The following GFI1B variants were observed in gnomAD, a reference collection of about 807,000 sequenced individuals.
The protein encoded by GFI1B is growth factor independent 1B transcriptional repressor.
In GFI1B, 20 loss-of-function variants were observed where a neutral mutation model predicts 35.3. The observed-to-expected ratio is 0.57, with a 90% confidence interval of 0.40 to 0.82. The LOEUF is 0.82. Among genes scored for constraint, GFI1B ranks in the 40% least tolerant of loss-of-function variants. The pLI, the probability that GFI1B is intolerant of heterozygous loss-of-function variation, is 0.00. For missense variants in GFI1B, 430 were observed against 446.3 expected (o/e 0.96, Z 0.33); for synonymous variants, 178 against 177.6 (o/e 1.00, Z -0.02).
At position 132,989,979 on chromosome 9, in the gene GFI1B, G is replaced by GC; in HGVS notation, c.814+77dup. 2 of 1,370,100 alleles carry GC rather than the reference G, an allele frequency of 1.5e-6. No individual in the cohort carries two copies. The highest frequency in any genetic ancestry group is 1.0e-6 in the Non-Finnish European group (1 of 966,048). 84.9% of individuals were successfully genotyped at this position (1,370,100 alleles called of 1,614,324 possible). ...CCTTTCCCTGAGAGATGCATCAGAG[G>GC]CCCCCAGCGTGAGGCTGGGGGCGGG... On this transcript the variant is annotated intron_variant, in intron 6 of 6. Transcript: ENST00000372122. This position sits in a 1 kb window ranked among gnomAD's most constrained non-coding sequence, Gnocchi z 6.2.
upstream of GFI1B, among the ~76,000 whole-genome samples, chr9:132,978,000 C>T (rs576057110): frequency 3.3e-5 from 5 of 152,190 alleles, no homozygotes; most frequent in African/African-American, 1.2e-4. Flanking sequence ...GAGATATGAC[C>T]TCTGCAAGGA....
intron 4 of GFI1B, 109 bp from the exon 5 acceptor site, chr9:132,988,952 C>G (rs1849181471): frequency 9.2e-7 from 1 of 1,081,972 alleles, no homozygotes; most frequent in Admixed American, 1.8e-5. Context: ...GCCCCTTACT[C>G]TGTGTACCCA....
upstream of GFI1B, chr9:132,978,453 T>C (rs1322943742): frequency 6.6e-6 from 1 of 152,246 alleles, no homozygotes; most frequent in Non-Finnish European, 1.5e-5. Context: ...CATCACTTTC[T>C]TTTTGTGCAG....
upstream of GFI1B, among the ~76,000 whole-genome samples, chr9:132,974,265 T>G (rs989093149): frequency 6.6e-6 from 1 of 152,144 alleles, no homozygotes; most frequent in Non-Finnish European, 1.5e-5. Flanking sequence ...GCATGGACAT[T>G]CCTTGTGGGA....
At chr9:132,992,899 G>C (rs1028451059), downstream of GFI1B, among the ~76,000 whole-genome samples, 3 of 152,034 alleles carry the variant, frequency 2.0e-5, no homozygotes, top group Middle Eastern at 3.2e-3. Context: ...TAAGCCAAGG[G>C]TTTCCATACA....
downstream of GFI1B, among the ~76,000 whole-genome samples, chr9:132,992,302 T>C (rs1013258193): frequency 5.9e-5 from 9 of 152,196 alleles, no homozygotes. Context: ...ATCCTGAACG[T>C]AATCACCGTG....
chr9:132,959,913 A>G (rs1242456232), intron 1 of GFI1B, among the ~76,000 whole-genome samples: 1 of 152,186 alleles, frequency 6.6e-6, no homozygotes, highest in Non-Finnish European at 1.5e-5. Flanking sequence ...CCCAGTGTGA[A>G]TTCAGCTGAA....
chr9:132,953,287 A>G (rs1205154555), intron 1 of GFI1B: 1 of 152,224 alleles, frequency 6.6e-6, no homozygotes, highest in Admixed American at 6.5e-5. Context: ...TTAAAATATG[A>G]ATCTTTAACT....
intron 1 of GFI1B, among the ~76,000 whole-genome samples, chr9:132,980,457 A>G (rs1463304462): frequency 1.3e-5 from 2 of 152,242 alleles, no homozygotes; most frequent in Non-Finnish European, 2.9e-5. Context: ...GCTTTAGTCT[A>G]TAATATAGAG....
At chr9:132,976,897 G>A (rs1179880618), upstream of GFI1B, among the ~76,000 whole-genome samples, 1 of 152,116 alleles carries the variant, frequency 6.6e-6, no homozygotes, top group African/African-American at 2.4e-5. Flanking sequence ...AGCTATGATT[G>A]CAACACTGCA....
At chr9:132,973,287 C>A (rs1343899088) in intron 2 of GFI1B, among the ~76,000 whole-genome samples, 1 of 152,220 alleles carries the variant, frequency 6.6e-6, no homozygotes, top group Non-Finnish European at 1.5e-5. Context: ...TATCCCACGA[C>A]CCCCGCACAG....
At chr9:132,978,201 A>G (rs1419352436), upstream of GFI1B, among the ~76,000 whole-genome samples, 1 of 144,258 alleles carries the variant, frequency 6.9e-6, no homozygotes, top group Non-Finnish European at 1.5e-5. Flanking sequence ...GGAGGGAGGG[A>G]GGGAAGGAAA....
intron 1 of GFI1B, among the ~76,000 whole-genome samples, chr9:132,962,102 TCA>T (rs1336441883): frequency 4.8e-5 from 7 of 145,416 alleles, no homozygotes; most frequent in Non-Finnish European, 7.5e-5. Flanking sequence ...AACCCTACAC[TCA>T]CACATGTGTG....
intron 1 of GFI1B, among the ~76,000 whole-genome samples, chr9:132,984,437 C>T (rs1375966878): frequency 6.6e-6 from 1 of 152,156 alleles, no homozygotes; most frequent in Non-Finnish European, 1.5e-5. Context: ...AATCTGACCG[C>T]GGGAAGGGAC....
chr9:132,985,007 C>A (rs1337936975), intron 1 of GFI1B, among the ~76,000 whole-genome samples: 1 of 152,188 alleles, frequency 6.6e-6, no homozygotes, highest in Non-Finnish European at 1.5e-5. Flanking sequence ...CAGCTGTGAT[C>A]CCTCTCCCGC....
chr9:132,986,641 C>T lies in GFI1B; in HGVS notation c.-20-18C>T, dbSNP rs905689538. 3 of 1,301,880 alleles carry T rather than the reference C, an allele frequency of 2.3e-6. No individual in the cohort carries two copies. In the African/African-American group the frequency reaches 4.3e-5, roughly 19 times the overall value. The allele number at this position is 1,301,880 out of a possible 1,614,324, so 80.6% of individuals were successfully genotyped here. On this transcript the variant is annotated intron_variant, in intron 1 of 6. Transcript: ENST00000372122. ...TTCTCTTGTCCTTCCTAACCGCTCCCATCCCTCCCCCTTGCAGGTGTGGGG... is the reference window on the plus strand; with the variant it reads ...TTCTCTTGTCCTTCCTAACCGCTCCTATCCCTCCCCCTTGCAGGTGTGGGG...
intron 1 of GFI1B, among the ~76,000 whole-genome samples, chr9:132,956,084 A>G (rs562240854): frequency 2.0e-5 from 3 of 152,318 alleles, no homozygotes; most frequent in Admixed American, 1.3e-4. Context: ...TTAAATGCTC[A>G]TCTCATCCAA....
chr9:132,959,502 G>A (rs185892228), intron 1 of GFI1B, among the ~76,000 whole-genome samples: 94 of 152,360 alleles, frequency 6.2e-4, no homozygotes, highest in African/African-American at 2.2e-3. Context: ...AGAGACACGT[G>A]TGAATATCTA....
At chr9:132,956,603 G>A (rs1443164520) in intron 1 of GFI1B, among the ~76,000 whole-genome samples, 1 of 152,230 alleles carries the variant, frequency 6.6e-6, no homozygotes, top group Non-Finnish European at 1.5e-5. Context: ...CCTGTTGCTG[G>A]ATCCATTCAA....
Sources: allele counts gnomAD v4.1 joint callset (sites outside exome capture counted in the v4.1 genomes callset), GRCh38; gene constraint gnomAD v4.1.1; non-coding constraint Gnocchi (gnomAD v3.1); transcripts MANE v1.5; gene names NCBI Gene and HGNC (gene_info 2026-07-23, HGNC 2026-07-21).